NREP: variants seen among roughly 807,000 people sequenced by gnomAD.
NREP encodes neuronal regeneration related protein.
A neutral mutation model predicts 8.6 loss-of-function variants in NREP; 5 were observed. The observed-to-expected ratio is 0.58, with a 90% confidence interval of 0.30 to 1.22. The LOEUF (loss-of-function observed/expected upper bound fraction) is 1.22, where lower values mean the gene tolerates loss of function less well. Among genes scored for constraint, NREP ranks in the 50% most tolerant of loss-of-function variants. The pLI is 0.07. For missense variants in NREP, 86 were observed against 82.5 expected (o/e 1.04, Z -0.17); for synonymous variants, 27 against 28.0 (o/e 0.96, Z 0.11).
intron 1 of NREP, chr5:111,756,183 C>T: frequency 9.7e-7 from 1 of 1,030,998 alleles, no homozygotes; most frequent in African/African-American, 1.7e-5. Flanking sequence ...ATACTACTGG[C>T]AGTATATTTG....
chr5:111,801,079 G>T (rs888974177), intron 2 of NREP, among the ~76,000 whole-genome samples: 1 of 152,352 alleles, frequency 6.6e-6, no homozygotes, highest in East Asian at 1.9e-4. Flanking sequence ...GAAACTGGGA[G>T]ACAGGGGCTT....
At chr5:111,886,030 C>T (rs1754236810) in intron 2 of NREP, among the ~76,000 whole-genome samples, 1 of 152,202 alleles carries the variant, frequency 6.6e-6, no homozygotes, top group Admixed American at 6.5e-5. Flanking sequence ...TCAGAGTGAA[C>T]AGGCAGCCTC....
chr5:111,976,693 A>C (rs774912805), intron 1 of NREP: 65 of 1,547,422 alleles, frequency 4.2e-5, no homozygotes, highest in Non-Finnish European at 5.3e-5. Flanking sequence ...ATACACAGTA[A>C]GTTATTCTTC....
intron 2 of NREP, among the ~76,000 whole-genome samples, chr5:111,782,212 C>T (rs1751509652): frequency 1.3e-5 from 2 of 152,176 alleles, no homozygotes; most frequent in African/African-American, 4.8e-5. Flanking sequence ...TCCACGTTCT[C>T]ATTTCCCTGG....
At chr5:111,905,526 G>A (rs1220470931) in intron 2 of NREP, among the ~76,000 whole-genome samples, 1 of 152,054 alleles carries the variant, frequency 6.6e-6, no homozygotes, top group Non-Finnish European at 1.5e-5. Flanking sequence ...AATAGACCGT[G>A]GCTTAAATTA....
intron 2 of NREP, among the ~76,000 whole-genome samples, chr5:111,930,008 C>T (rs1755492549): frequency 1.3e-5 from 2 of 152,120 alleles, no homozygotes; most frequent in African/African-American, 4.8e-5. Flanking sequence ...CTTGAAATGA[C>T]TAAAACAGTA....
chr5:111,828,390 G>A (rs1327020562), intron 2 of NREP, among the ~76,000 whole-genome samples: 1 of 152,072 alleles, frequency 6.6e-6, no homozygotes, highest in Admixed American at 6.6e-5. Flanking sequence ...GGGAGTGAGG[G>A]AGTATGGAGG....
intron 2 of NREP, among the ~76,000 whole-genome samples, chr5:111,737,623 C>T (rs1436196252): frequency 6.6e-6 from 1 of 151,608 alleles, no homozygotes; most frequent in Non-Finnish European, 1.5e-5. Context: ...ACTAAAACCA[C>T]CAAAGTCTAA....
At chr5:111,819,674 A>G (rs1752473055) in intron 2 of NREP, among the ~76,000 whole-genome samples, 1 of 152,230 alleles carries the variant, frequency 6.6e-6, no homozygotes, top group Non-Finnish European at 1.5e-5. Context: ...AGATGAATAT[A>G]ACTTTGTGTT....
chr5:111,800,404 C>CT, intron 2 of NREP, among the ~76,000 whole-genome samples: 1 of 152,226 alleles, frequency 6.6e-6, no homozygotes, highest in East Asian at 1.9e-4. Flanking sequence ...GGGCATGCCA[C>CT]TTGTGCCATT....
intron 2 of NREP, among the ~76,000 whole-genome samples, chr5:111,841,881 T>C (rs1247986241): frequency 6.6e-6 from 1 of 152,116 alleles, no homozygotes; most frequent in African/African-American, 2.4e-5. Flanking sequence ...TTGAATCTTA[T>C]AGATTGGAAG....
intron 2 of NREP, among the ~76,000 whole-genome samples, chr5:111,883,278 C>T (rs1754138774): frequency 6.6e-6 from 1 of 152,146 alleles, no homozygotes; most frequent in South Asian, 2.1e-4. Flanking sequence ...GCTAACTATC[C>T]TAAATATATG....
chr5:111,880,791 C>T (rs1043557246), intron 2 of NREP, among the ~76,000 whole-genome samples: 1 of 133,534 alleles, frequency 7.5e-6, no homozygotes, highest in African/African-American at 2.9e-5. Context: ...GGCTGGAGTG[C>T]AGTGCCGTGA....
intron 2 of NREP, among the ~76,000 whole-genome samples, chr5:111,905,730 T>C (rs186232826): frequency 9.1e-4 from 138 of 152,238 alleles, no homozygotes; most frequent in Admixed American, 7.7e-3. Flanking sequence ...ACTATATGCA[T>C]CATAGTTAGA....
intron 2 of NREP, among the ~76,000 whole-genome samples, chr5:111,863,192 GA>G (rs1216896029): frequency 6.6e-6 from 1 of 152,006 alleles, no homozygotes; most frequent in African/African-American, 2.4e-5. Context: ...AGAGAAACAT[GA>G]AAAACATAGA....
At chr5:111,798,621 T>A (rs1751927081) in intron 2 of NREP, among the ~76,000 whole-genome samples, 1 of 152,142 alleles carries the variant, frequency 6.6e-6, no homozygotes, top group African/African-American at 2.4e-5. Flanking sequence ...GAACATACAA[T>A]GTTTGATTTT....
At chr5:111,957,262 T>C (rs2112645958) in intron 2 of NREP, among the ~76,000 whole-genome samples, 1 of 152,090 alleles carries the variant, frequency 6.6e-6, no homozygotes, top group South Asian at 2.1e-4. Context: ...AATAATAATC[T>C]TGGGCTATTT....
intron 2 of NREP, chr5:111,846,420 C>CTTTTTTTTTTTTTTTTTTTTTTTTTGTT (rs1753174287): frequency 2.3e-5 from 1 of 44,414 alleles, no homozygotes; most frequent in African/African-American, 8.5e-5. Flanking sequence ...TTTTTGTTTG[C>CTTTTTTTTTTTTTTTTTTTTTTTTTGTT]TTTTTTTTTT....
At chr5:111,798,936 T>A (rs1316148296) in intron 2 of NREP, among the ~76,000 whole-genome samples, 1 of 152,240 alleles carries the variant, frequency 6.6e-6, no homozygotes, top group East Asian at 1.9e-4. Context: ...TCTAGGTAGA[T>A]ACCTAGCAGT....
Sources: gnomAD v4.1 joint callset for allele counts (sites outside exome capture counted in the v4.1 genomes callset) on GRCh38, gnomAD v4.1.1 for gene constraint, MANE v1.5 for transcripts, NCBI Gene and HGNC (gene_info 2026-07-23, HGNC 2026-07-21) for gene names.